The following MTA3 variants were observed in gnomAD, a reference collection of about 807,000 sequenced individuals.
The protein encoded by MTA3 is metastasis associated 1 family member 3.
MTA3 carries 34 observed loss-of-function variants against 83.5 expected under a neutral mutation model. The observed-to-expected ratio is 0.41, with a 90% confidence interval of 0.31 to 0.54. The LOEUF is 0.54. MTA3 is among the 20% of genes least tolerant of loss of function. The probability of loss-of-function intolerance (pLI) is 0.33; values close to 1 mark genes in which losing one functional copy is unlikely to be tolerated. For synonymous variants in MTA3, 303 were observed against 252.7 expected, an observed-to-expected ratio of 1.20 and a Z score of -1.89; for missense variants, 761 against 726.4, an observed-to-expected ratio of 1.05 and a Z score of -0.55.
intron 3 of MTA3, among the ~76,000 whole-genome samples, chr2:42,585,093 A>G (rs1250169076): frequency 6.6e-6 from 1 of 150,722 alleles, no homozygotes; most frequent in African/African-American, 2.4e-5. Flanking sequence ...AATAATAATA[A>G]TAATAATTTT....
chr2:42,655,060 T>C (rs1573493720), intron 6 of MTA3, among the ~76,000 whole-genome samples: 1 of 152,204 alleles, frequency 6.6e-6, no homozygotes, highest in South Asian at 2.1e-4. Context: ...CAGCCCCTCA[T>C]TACTTGTGAA....
chr2:42,753,300 G>T, intron 16 of MTA3, 74 bp from the exon 17 acceptor site: 1 of 1,547,560 alleles, frequency 6.5e-7, no homozygotes, highest in Admixed American at 2.0e-5. Flanking sequence ...GGAGGGGTGA[G>T]TCCATCCTCC....
At chr2:42,691,106 G>T (rs1228576501) in intron 9 of MTA3, among the ~76,000 whole-genome samples, 2 of 151,752 alleles carry the variant, frequency 1.3e-5, no homozygotes, top group African/African-American at 4.8e-5. Context: ...TGAACTCCTG[G>T]CCTCAAGCAA....
intron 4 of MTA3, among the ~76,000 whole-genome samples, chr2:42,636,946 T>C (rs1220524909): frequency 2.0e-5 from 3 of 152,190 alleles, no homozygotes; most frequent in Non-Finnish European, 4.4e-5. Flanking sequence ...TTTATACAAA[T>C]ATGTACTAGC....
chr2:42,528,488 G>A (rs1675819022), intron 2 of MTA3, among the ~76,000 whole-genome samples: 1 of 152,220 alleles, frequency 6.6e-6, no homozygotes, highest in Admixed American at 6.5e-5. Context: ...CCAAAGTGCT[G>A]GGATTACAGG....
chr2:42,741,444 T>G (rs1008770818), intron 16 of MTA3, among the ~76,000 whole-genome samples: 6 of 152,254 alleles, frequency 3.9e-5, no homozygotes, highest in African/African-American at 1.2e-4. Flanking sequence ...TTGCAACCTC[T>G]CTTGGCTTTC....
intron 4 of MTA3, among the ~76,000 whole-genome samples, chr2:42,618,427 GTTAC>G (rs1421715293): frequency 2.0e-5 from 3 of 151,984 alleles, no homozygotes; most frequent in African/African-American, 7.3e-5. Flanking sequence ...TCATTTTGCT[GTTAC>G]TTCAGCATTA....
chr2:42,706,269 G>A (rs1328170926), intron 12 of MTA3, among the ~76,000 whole-genome samples: 2 of 151,728 alleles, frequency 1.3e-5, no homozygotes, highest in Non-Finnish European at 1.5e-5. Flanking sequence ...AAAACTTAAG[G>A]TATAATAATA....
At chr2:42,552,479 G>A (rs189599273) in intron 2 of MTA3, among the ~76,000 whole-genome samples, 12 of 152,198 alleles carry the variant, frequency 7.9e-5, no homozygotes, top group Admixed American at 3.3e-4. Context: ...AGCCCCAGGG[G>A]GTGGTGGCTA....
intron 11 of MTA3, among the ~76,000 whole-genome samples, chr2:42,701,428 A>AT (rs1360482227): frequency 6.7e-6 from 1 of 148,176 alleles, no homozygotes; most frequent in African/African-American, 2.5e-5. Flanking sequence ...CTATCAAAAA[A>AT]AAAAAAAAAA....
intron 3 of MTA3, among the ~76,000 whole-genome samples, chr2:42,592,666 G>A (rs1032194538): frequency 6.6e-6 from 1 of 152,068 alleles, no homozygotes; most frequent in Non-Finnish European, 1.5e-5. Flanking sequence ...CCTACACAGG[G>A]TCAGGATCAT....
chr2:42,599,316 C>T (rs756934099), intron 3 of MTA3, among the ~76,000 whole-genome samples: 2 of 152,132 alleles, frequency 1.3e-5, no homozygotes, highest in Admixed American at 1.3e-4. Context: ...GTACCGGGCG[C>T]GGCGGCTTAT....
intron 16 of MTA3, among the ~76,000 whole-genome samples, chr2:42,730,828 G>T (rs1393629461): frequency 6.6e-6 from 1 of 152,120 alleles, no homozygotes; most frequent in Non-Finnish European, 1.5e-5. Flanking sequence ...GAAGCCATAG[G>T]GTCCTGGGCT....
intron 2 of MTA3, among the ~76,000 whole-genome samples, chr2:42,510,364 A>G (rs940748893): frequency 2.0e-5 from 3 of 151,124 alleles, no homozygotes; most frequent in African/African-American, 7.3e-5. Flanking sequence ...GCTGGCCCCA[A>G]TCCTGGGTCA....
chr2:42,622,582 A>G (rs556721477), intron 4 of MTA3, among the ~76,000 whole-genome samples: 14 of 152,322 alleles, frequency 9.2e-5, no homozygotes, highest in African/African-American at 3.4e-4. Context: ...AAATGTTGAT[A>G]CATATGTATC....
chr2:42,532,868 C>G, intron 2 of MTA3: 1 of 356,660 alleles, frequency 2.8e-6, no homozygotes, highest in Non-Finnish European at 5.5e-6. Flanking sequence ...TCAGTTGAAC[C>G]CAGGCACCTT....
At chr2:42,506,123 C>G (rs901805638) in intron 2 of MTA3, among the ~76,000 whole-genome samples, 1 of 152,012 alleles carries the variant, frequency 6.6e-6, no homozygotes, top group Non-Finnish European at 1.5e-5. Context: ...AATCTCTCCA[C>G]TTTTATATGT....
upstream of MTA3, among the ~76,000 whole-genome samples, chr2:42,567,450 C>A (rs1215351543): frequency 1.3e-5 from 2 of 152,296 alleles, no homozygotes; most frequent in South Asian, 4.1e-4. Flanking sequence ...CACCTCTTAG[C>A]CCCGCACAGA....
intron 5 of MTA3, among the ~76,000 whole-genome samples, chr2:42,642,006 T>G (rs1687741392): frequency 6.6e-6 from 1 of 152,136 alleles, no homozygotes; most frequent in Non-Finnish European, 1.5e-5. Context: ...AACTCTGCAC[T>G]TGTACCCCCT....
Sources: gnomAD v4.1 joint callset for allele counts (sites outside exome capture counted in the v4.1 genomes callset) on GRCh38, gnomAD v4.1.1 for gene constraint, MANE v1.5 for transcripts, NCBI Gene and HGNC (gene_info 2026-07-23, HGNC 2026-07-21) for gene names.